Variants in ST6GALNAC3 observed in about 807,000 individuals in gnomAD.
ST6GALNAC3 encodes ST6 N-acetylgalactosaminide alpha-2,6-sialyltransferase 3.
A neutral mutation model predicts 32.7 loss-of-function variants in ST6GALNAC3; 25 were observed. The observed-to-expected ratio is 0.76, with a 90% CI of 0.56 to 1.07. The LOEUF is 1.07. Ranked by LOEUF, ST6GALNAC3 falls within the 50% of genes least tolerant of loss-of-function variation. The pLI is 0.00. For synonymous variants in ST6GALNAC3, 129 were observed against 133.1 expected (o/e 0.97, Z 0.21); for missense variants, 355 against 382.4 (o/e 0.93, Z 0.60).
intron 1 of ST6GALNAC3, among the ~76,000 whole-genome samples, chr1:76,269,879 T>C (rs1658736297): frequency 6.6e-6 from 1 of 152,196 alleles, no homozygotes; most frequent in Non-Finnish European, 1.5e-5. Flanking sequence ...TTCAGCGTTG[T>C]GACTTAGAGG....
At chr1:76,133,315 C>A (rs911223692) in intron 1 of ST6GALNAC3, among the ~76,000 whole-genome samples, 2 of 152,226 alleles carry the variant, frequency 1.3e-5, no homozygotes, top group Non-Finnish European at 2.9e-5. Context: ...TCTCATCTGC[C>A]TGTGGCTGCA....
intron 3 of ST6GALNAC3, among the ~76,000 whole-genome samples, chr1:76,616,795 A>G (rs1648323303): frequency 3.9e-5 from 6 of 152,196 alleles, no homozygotes; most frequent in Admixed American, 3.9e-4. Flanking sequence ...AGATTTTCCT[A>G]TTGAAAATAA....
chr1:76,608,928 T>A (rs1000356358), intron 3 of ST6GALNAC3, among the ~76,000 whole-genome samples: 1 of 152,148 alleles, frequency 6.6e-6, no homozygotes, highest in African/African-American at 2.4e-5. Flanking sequence ...GTACCACAAA[T>A]TTTTATTAAG....
chr1:76,436,686 C>G (rs1276020997), intron 3 of ST6GALNAC3, among the ~76,000 whole-genome samples: 1 of 152,036 alleles, frequency 6.6e-6, no homozygotes, highest in East Asian at 1.9e-4. Context: ...TCATTTAATT[C>G]TTACAATAAT....
At chr1:76,409,007 G>T (rs535045059) in intron 2 of ST6GALNAC3, among the ~76,000 whole-genome samples, 1 of 152,170 alleles carries the variant, frequency 6.6e-6, no homozygotes, top group African/African-American at 2.4e-5. Flanking sequence ...CAAGCCGTCT[G>T]GCAAGAAGAA....
At chr1:76,357,498 ATCT>A (rs1284544931) in intron 2 of ST6GALNAC3, among the ~76,000 whole-genome samples, 1 of 152,128 alleles carries the variant, frequency 6.6e-6, no homozygotes, top group East Asian at 1.9e-4. Flanking sequence ...TGGATGGAAG[ATCT>A]TCTACCACAT....
intron 1 of ST6GALNAC3, among the ~76,000 whole-genome samples, chr1:76,087,598 T>C (rs12123760): frequency 0.18 from 26,790 of 152,186 alleles, 2,926 homozygotes; most frequent in South Asian, 0.26. Context: ...GCTTTATATT[T>C]GTGGATTATC....
rs150423014 is a variant in ST6GALNAC3, at chr1:76,621,000, AG to A, written c.624-6451del. On this transcript the variant is annotated intron_variant, in intron 3 of 4. Transcript: ENST00000328299. ...TTTAATTTCTGAGATGAATGAACAA[AG>A]AAATTTTTCTAAGTGGTATCTTCTA... 2.8e-3 allele frequency among the ~76,000 whole-genome samples: 420 copies of A among 152,224 alleles called. 4 individuals carry two copies. The highest frequency in any genetic ancestry group is 9.7e-3 in the African/African-American group (405 of 41,554).
intron 3 of ST6GALNAC3, among the ~76,000 whole-genome samples, chr1:76,508,092 C>T (rs1661590004): frequency 6.6e-6 from 1 of 152,142 alleles, no homozygotes. Context: ...GACTAGTAGA[C>T]TCGCCTTAGA....
intron 3 of ST6GALNAC3, among the ~76,000 whole-genome samples, chr1:76,624,658 C>G (rs1241765006): frequency 1.3e-5 from 2 of 151,684 alleles, no homozygotes; most frequent in African/African-American, 4.8e-5. Context: ...TTTTCTCACT[C>G]AAATTCACCT....
chr1:76,565,654 G>T (rs1370802671), intron 3 of ST6GALNAC3, among the ~76,000 whole-genome samples: 1 of 152,158 alleles, frequency 6.6e-6, no homozygotes, highest in African/African-American at 2.4e-5. Flanking sequence ...TGTGTTAATT[G>T]AGGCTAACAG....
intron 3 of ST6GALNAC3, among the ~76,000 whole-genome samples, chr1:76,600,677 C>T (rs1014309243): frequency 3.3e-5 from 5 of 152,258 alleles, no homozygotes; most frequent in East Asian, 1.9e-4. Context: ...CTGTCTTGTA[C>T]GTTTTAAAAC....
chr1:76,333,062 C>T (rs1647227325), intron 2 of ST6GALNAC3, among the ~76,000 whole-genome samples: 1 of 152,116 alleles, frequency 6.6e-6, no homozygotes, highest in African/African-American at 2.4e-5. Context: ...TCTTCCATTC[C>T]CTGCCTGCCA....
chr1:76,137,427 G>C (rs3011996), intron 1 of ST6GALNAC3, among the ~76,000 whole-genome samples: 69,139 of 151,974 alleles, frequency 0.45, 16,329 homozygotes, highest in East Asian at 0.81. Context: ...GTTATAGAAA[G>C]ACATTTCTGG....
chr1:76,531,875 C>T (rs563933949), intron 3 of ST6GALNAC3, among the ~76,000 whole-genome samples: 20 of 152,102 alleles, frequency 1.3e-4, no homozygotes, highest in African/African-American at 4.3e-4. Context: ...GAGTTTGCGG[C>T]GCTCCCTAGG....
At chr1:76,532,610 A>G (rs1370100678) in intron 3 of ST6GALNAC3, among the ~76,000 whole-genome samples, 1 of 152,168 alleles carries the variant, frequency 6.6e-6, no homozygotes, top group Non-Finnish European at 1.5e-5. Context: ...GAGAATTAAG[A>G]AAGAACCAGA....
chr1:76,500,479 A>G (rs1025166899), intron 3 of ST6GALNAC3, among the ~76,000 whole-genome samples: 7 of 152,126 alleles, frequency 4.6e-5, no homozygotes, highest in Non-Finnish European at 1.0e-4. Flanking sequence ...CAACACAACT[A>G]CTTATTCTGT....
chr1:76,133,890 A>G (rs1018335731), intron 1 of ST6GALNAC3, among the ~76,000 whole-genome samples: 2 of 152,194 alleles, frequency 1.3e-5, no homozygotes, highest in Admixed American at 6.5e-5. Context: ...TGACAAGAAG[A>G]TGAGCCCCTC....
chr1:76,372,889 C>T (rs889923341), intron 2 of ST6GALNAC3, among the ~76,000 whole-genome samples: 1 of 152,142 alleles, frequency 6.6e-6, no homozygotes, highest in Non-Finnish European at 1.5e-5. Flanking sequence ...CCTGATCCTA[C>T]CAGCCAGACA....
Sources: gnomAD v4.1 joint callset for allele counts (sites outside exome capture counted in the v4.1 genomes callset) on GRCh38, gnomAD v4.1.1 for gene constraint, MANE v1.5 for transcripts, NCBI Gene and HGNC (gene_info 2026-07-23, HGNC 2026-07-21) for gene names.